The following KDELR1 variants were observed in gnomAD, a reference collection of about 807,000 sequenced individuals.
KDELR1 encodes ER lumen protein-retaining receptor 1.
KDELR1 carries 16 observed loss-of-function variants against 25.5 expected under a neutral mutation model. The ratio of observed to expected loss-of-function variants is 0.63; its 90% CI spans 0.43 to 0.95. The LOEUF is 0.95. Ranked by LOEUF, KDELR1 falls within the 40% of genes least tolerant of loss-of-function variation. The pLI is 0.00. For synonymous variants in KDELR1, 121 were observed against 115.0 expected, an observed-to-expected ratio of 1.05 and a Z score of -0.33; for missense variants, 159 against 265.2, an observed-to-expected ratio of 0.60 and a Z score of 2.78.
At position 48,389,634 on chromosome 19, in the gene KDELR1, A is replaced by G. The variant is rs1486057151; in HGVS notation, c.270T>C (p.His90=). Residue 90 remains histidine (H), a synonymous_variant, in exon 3 of 5, where the codon CAT becomes CAC. Transcript: ENST00000330720. ...CCAGGAACTCCACTCTGAACGTGTC[A>G]TGGTTCCCATCGTAAGTAGCTTTGA... The part of the protein sequence containing the change: ...SKFKATYDGN[H]DTFRVEFLVV... 2 of 1,614,158 alleles carry G rather than the reference A, an allele frequency of 1.2e-6. No homozygotes were observed. The highest frequency in any genetic ancestry group is 1.7e-5 in the Admixed American group (1 of 60,032).
Position 48,384,655 on chromosome 19 carries a change from T to C in KDELR1, c.352-173A>G, listed in dbSNP as rs532199936. 4.2e-4 allele frequency among the ~76,000 whole-genome samples: 64 copies of C among 152,108 alleles called. No homozygotes were observed. The highest frequency in any genetic ancestry group is 7.8e-4 in the Non-Finnish European group (53 of 68,030). On this transcript the variant is annotated intron_variant, in intron 3 of 4. Coordinates refer to ENST00000330720, the MANE Select transcript of KDELR1 (RefSeq NM_006801.3). This position sits in a 1 kb window ranked among gnomAD's most constrained non-coding sequence, Gnocchi z 4.6. ...GTTACTGGTACCTCTGATTTAATCA[T>C]CACCATGGCCCGGCGAGGAGATCCT...
Position 48,391,396 on chromosome 19 carries a change from C to T in KDELR1, c.-38G>A. ...CTGGCAGGGCTGAGCGGGAGGGAGGCAGGCTGGCGGGGGGGTGCCCCCCGA... is the reference window on the plus strand; with the variant it reads ...CTGGCAGGGCTGAGCGGGAGGGAGGTAGGCTGGCGGGGGGGTGCCCCCCGA... On this transcript the variant is annotated 5_prime_UTR_variant, in exon 1 of 5. Coordinates refer to ENST00000330720, the MANE Select transcript of KDELR1 (RefSeq NM_006801.3). 6.6e-7 allele frequency: 1 copy of T among 1,519,034 alleles called. No individual in the cohort carries two copies. Among genetic ancestry groups the T allele is most frequent in the Non-Finnish European group, 8.9e-7 (1 of 1,118,410 alleles). 94.1% of individuals were successfully genotyped at this position (1,519,034 alleles called of 1,614,324 possible). A position where few individuals can be genotyped will look rare whatever the true frequency, so the allele number is the denominator to read the frequency against.
upstream of KDELR1, among the ~76,000 whole-genome samples, chr19:48,393,615 G>T (rs894345174): frequency 5.3e-5 from 8 of 152,132 alleles, no homozygotes; most frequent in Admixed American, 4.6e-4. This position sits in a 1 kb window ranked among gnomAD's most constrained non-coding sequence, Gnocchi z 5.6. Context: ...GAGGCCAGGA[G>T]GGGGGGCTGT....
chr19:48,384,094 C>T lies in KDELR1; in HGVS notation c.604+136G>A. The T allele has an allele frequency of 9.2e-7, 1 of 1,088,320 alleles. No individual in the cohort carries two copies. The highest frequency in any genetic ancestry group is 1.3e-6 in the Non-Finnish European group (1 of 761,668). 67.4% of individuals were successfully genotyped at this position (1,088,320 alleles called of 1,614,324 possible). A position where few individuals can be genotyped will look rare whatever the true frequency, so the allele number is the denominator to read the frequency against. ...TCTGAATTCCTAGGAGGATGGTAGGCCTGCCACCCCAGAAACCCGGCGAAG... is the reference window on the plus strand; with the variant it reads ...TCTGAATTCCTAGGAGGATGGTAGGTCTGCCACCCCAGAAACCCGGCGAAG... On this transcript the variant is annotated intron_variant, in intron 4 of 4. Transcript: ENST00000330720. This position sits in a 1 kb window ranked among gnomAD's most constrained non-coding sequence, Gnocchi z 4.6.
Position 48,383,186 on chromosome 19 carries a change from G to C in KDELR1, c.*107C>G, listed in dbSNP as rs1970469836. On this transcript the variant is annotated 3_prime_UTR_variant, in exon 5 of 5. Transcript: ENST00000330720. Reference sequence around the variant, plus strand: ...GCAGGAGGCGGGATGGGGAGCACAAGAGGTGGGTTCTTAAAAAAGTCACCC... The same window carrying C: ...GCAGGAGGCGGGATGGGGAGCACAACAGGTGGGTTCTTAAAAAAGTCACCC... 8.5e-7 allele frequency: 1 copy of C among 1,178,890 alleles called. No homozygotes were observed. The highest frequency in any genetic ancestry group is 1.5e-5 in the African/African-American group (1 of 65,716). 73.0% of individuals were successfully genotyped at this position (1,178,890 alleles called of 1,614,324 possible). A position where few individuals can be genotyped will look rare whatever the true frequency, so the allele number is the denominator to read the frequency against.
chr19:48,396,694 C>G, the KDELR1 span, among the ~76,000 whole-genome samples: 3 of 151,862 alleles, frequency 2.0e-5, no homozygotes, highest in Non-Finnish European at 4.4e-5. Context: ...GACAGGGGCC[C>G]GAGATCTCTG....
chr19:48,383,936 C>A (rs1044202355), intron 4 of KDELR1, among the ~76,000 whole-genome samples: 1 of 152,164 alleles, frequency 6.6e-6, no homozygotes, highest in East Asian at 1.9e-4. Context: ...AGAAAGTACT[C>A]AATACATTTG....
intron 1 of KDELR1, chr19:48,391,004 A>C: frequency 1.8e-6 from 1 of 544,836 alleles, no homozygotes; most frequent in Non-Finnish European, 3.3e-6. Flanking sequence ...TTCCCGGTCC[A>C]TGAACCCTCG....
chr19:48,390,442 G>T lies in KDELR1; in HGVS notation c.174C>A (p.Leu58=). ...YLDLFTNYIS[L]YNTCMKVVYI... ...CCTCTACCTTCATACACGTGTTGTA[G>T]AGTGAGATGTAGTTGGTGAAGAGGT... The change falls in exon 2 of 5, where the codon CTC becomes CTA. Residue 58 remains leucine (L), a synonymous_variant. Coordinates refer to ENST00000330720, the MANE Select transcript of KDELR1 (RefSeq NM_006801.3). 1 of 1,613,732 alleles carries T rather than the reference G, an allele frequency of 6.2e-7. No homozygotes were observed. The highest frequency in any genetic ancestry group is 8.5e-7 in the Non-Finnish European group (1 of 1,179,578).
chr19:48,384,335 T>C lies in KDELR1; in HGVS notation c.499A>G (p.Ile167Val). 1.2e-6 allele frequency: 2 copies of C among 1,614,160 alleles called. No individual in the cohort carries two copies. The highest frequency in any genetic ancestry group is 8.5e-7 in the Non-Finnish European group (1 of 1,180,044). The change falls in exon 4 of 5, where the codon ATC becomes GTC. Residue 167 changes from isoleucine to valine, a missense_variant. Physicochemically the swap from Ile to Val is conservative, Grantham distance 29. Coordinates refer to ENST00000330720, the MANE Select transcript of KDELR1 (RefSeq NM_006801.3). The surrounding 1 kb of genome is among the most constrained non-coding windows in gnomAD (Gnocchi z 4.6). ...VYRTLYLFNWIWRYHFEGFFD... is the reference protein window; with the variant it reads ...VYRTLYLFNWVWRYHFEGFFD... ...AAGCCCTCGAAATGGTAGCGCCAGATCCAGTTGAAGAGATAGAGCGTGCGG... is the reference window on the plus strand; with the variant it reads ...AAGCCCTCGAAATGGTAGCGCCAGACCCAGTTGAAGAGATAGAGCGTGCGG...
chr19:48,390,599 G>A, intron 1 of KDELR1, 75 bp from the exon 2 acceptor site: 1 of 1,101,552 alleles, frequency 9.1e-7, no homozygotes. Flanking sequence ...CAGACAGACA[G>A]ACAGAAGGAG....
chr19:48,390,300 C>G, intron 2 of KDELR1, 124 bp downstream of exon 2: 1 of 668,086 alleles, frequency 1.5e-6, no homozygotes, highest in South Asian at 1.8e-5. Context: ...GGCCCCCGGC[C>G]CCTCCTCCCT....
rs200370830 is a variant in KDELR1, at chr19:48,391,332, G to A, written c.27C>T (p.Asp9=). 19 of 1,557,496 alleles carry A rather than the reference G, an allele frequency of 1.2e-5. No individual in the cohort carries two copies. In the East Asian group the frequency reaches 4.6e-4, roughly 38 times the overall value. Residue 9 remains aspartate, a synonymous_variant, in exon 1 of 5, where the codon GAC becomes GAT. Transcript: ENST00000330720. ...AGATGATGGCGAGGAGGTGGGAGAG[G>A]TCTCCCAGGAATCGGAAGAGATTCA... MNLFRFLG[D]LSHLLAIILL...
chr19:48,387,756 T>A (rs916694015), intron 3 of KDELR1: 3 of 151,870 alleles, frequency 2.0e-5, no homozygotes, highest in African/African-American at 7.3e-5. Context: ...ACATCTTGCC[T>A]GAAAACTCCT....
intron 3 of KDELR1, among the ~76,000 whole-genome samples, chr19:48,386,353 G>A (rs999113098): frequency 2.6e-5 from 4 of 151,822 alleles, no homozygotes; most frequent in African/African-American, 9.7e-5. Flanking sequence ...CTCACCTCAA[G>A]TGATCCACCC....
upstream of KDELR1, among the ~76,000 whole-genome samples, chr19:48,393,666 G>A (rs1304869124): frequency 6.6e-6 from 1 of 151,952 alleles, no homozygotes; most frequent in African/African-American, 2.4e-5. The surrounding 1 kb of genome is among the most constrained non-coding windows in gnomAD (Gnocchi z 5.6). Flanking sequence ...AATGTTAATC[G>A]CATCCCGAGT....
intron 3 of KDELR1, among the ~76,000 whole-genome samples, chr19:48,388,483 C>T (rs1454989626): frequency 3.9e-5 from 6 of 151,964 alleles, no homozygotes; most frequent in Non-Finnish European, 8.8e-5. Context: ...GTCAGGAATT[C>T]GAGACCAGCC....
At chr19:48,389,061 AG>A (rs1970520449) in intron 3 of KDELR1, among the ~76,000 whole-genome samples, 1 of 152,210 alleles carries the variant, frequency 6.6e-6, no homozygotes, top group Admixed American at 6.5e-5. Context: ...ATTTGAGCCC[AG>A]GAGTTCAAGA....
Position 48,383,278 on chromosome 19 carries a change from T to C in KDELR1, c.*15A>G, listed in dbSNP as rs370349342. ...CTCCCGCTGCTGCCGAGGAGAGAGA[T>C]GGAGAGGACCGGGGCTATGCCGGCA... On this transcript the variant is annotated 3_prime_UTR_variant, in exon 5 of 5. Transcript: ENST00000330720. 15 of 1,551,572 alleles carry C rather than the reference T, an allele frequency of 9.7e-6. No homozygotes were observed. Among genetic ancestry groups the C allele is most frequent in the Non-Finnish European group, 1.1e-5 (13 of 1,146,894 alleles).
Sources: allele counts gnomAD v4.1 joint callset (sites outside exome capture counted in the v4.1 genomes callset), GRCh38; gene constraint gnomAD v4.1.1; non-coding constraint Gnocchi (gnomAD v3.1); transcripts MANE v1.5; gene names NCBI Gene and HGNC (gene_info 2026-07-23, HGNC 2026-07-21).